TTC27: variants seen among roughly 807,000 people sequenced by gnomAD.
TTC27 encodes tetratricopeptide repeat domain 27.
Under a neutral mutation model 115.9 loss-of-function variants are expected in TTC27, and 79 were observed. The observed-to-expected ratio is 0.68, with a 90% CI of 0.57 to 0.82. TTC27 has a LOEUF of 0.82. Ranked by LOEUF, TTC27 falls within the 40% of genes least tolerant of loss-of-function variation. TTC27 has a pLI of 0.00. For synonymous variants in TTC27, 401 were observed against 356.0 expected (o/e 1.13, Z -1.42); for missense variants, 1,054 against 993.1 (o/e 1.06, Z -0.82).
intron 9 of TTC27, among the ~76,000 whole-genome samples, chr2:32,687,513 G>A (rs1666674133): frequency 6.6e-6 from 1 of 152,154 alleles, no homozygotes; most frequent in Non-Finnish European, 1.5e-5. Flanking sequence ...GTCAAAGATT[G>A]ATAATGGAAT....
intron 16 of TTC27, among the ~76,000 whole-genome samples, chr2:32,789,271 A>T (rs770897788): frequency 4.6e-5 from 7 of 152,234 alleles, no homozygotes; most frequent in Admixed American, 3.9e-4. Context: ...AAAGTGAAGC[A>T]GAAGTGGTTA....
intron 4 of TTC27, among the ~76,000 whole-genome samples, chr2:32,647,589 G>A (rs538201806): frequency 9.8e-5 from 15 of 152,334 alleles, no homozygotes; most frequent in Non-Finnish European, 8.8e-5. Context: ...TAGTTGTGGT[G>A]TATAACACTT....
chr2:32,677,243 TTC>T (rs1666242647), intron 8 of TTC27, among the ~76,000 whole-genome samples: 1 of 152,158 alleles, frequency 6.6e-6, no homozygotes, highest in African/African-American at 2.4e-5. Flanking sequence ...CAGTATAGCA[TTC>T]TGTTGGATGA....
intron 14 of TTC27, 67 bp from the exon 15 acceptor site, chr2:32,782,559 T>G: frequency 1.4e-6 from 2 of 1,429,896 alleles, no homozygotes; most frequent in Admixed American, 3.5e-5. Context: ...TGTGTTGTAC[T>G]TTTGGTTTAA....
At chr2:32,767,758 G>A (rs1483556508) in intron 13 of TTC27, among the ~76,000 whole-genome samples, 1 of 152,158 alleles carries the variant, frequency 6.6e-6, no homozygotes, top group Non-Finnish European at 1.5e-5. Context: ...ACCGCGCCCG[G>A]CCATTATAAG....
In TTC27 at chr2:32,723,728, C is replaced by CTCCCTCCGTCCTTCCT. The variant is rs1454826952; in HGVS notation, c.1234-10097_1234-10096insCTCCGTCCTTCCTTCC. Among the ~76,000 whole-genome samples the CTCCCTCCGTCCTTCCT allele has an allele frequency of 4.6e-3, 135 of 29,532 alleles. 7 individuals carry two copies. Among genetic ancestry groups the CTCCCTCCGTCCTTCCT allele is most frequent in the African/African-American group, 0.02 (119 of 5,840 alleles). The allele number at this position is 29,532 out of a possible 152,430, so 19.4% of individuals were successfully genotyped here. ...CCTCCCTCCCTCCCTCCCTCCCTCC[C>CTCCCTCCGTCCTTCCT]TCCTTCCTTCCTTCCTTCCTTCCTT... On this transcript the variant is annotated intron_variant, in intron 10 of 19. Transcript: ENST00000317907.
chr2:32,658,389 A>G (rs1665414550), intron 5 of TTC27, among the ~76,000 whole-genome samples: 1 of 152,202 alleles, frequency 6.6e-6, no homozygotes, highest in East Asian at 1.9e-4. Flanking sequence ...TGCTGGAATT[A>G]TAGGTATGAG....
intron 9 of TTC27, among the ~76,000 whole-genome samples, chr2:32,681,636 A>G (rs1666427517): frequency 6.9e-6 from 1 of 143,964 alleles, no homozygotes; most frequent in Admixed American, 7.3e-5. Flanking sequence ...AGTAAATTAT[A>G]TGAGATATTC....
intron 9 of TTC27, among the ~76,000 whole-genome samples, chr2:32,694,775 C>T (rs1371154497): frequency 6.6e-6 from 1 of 150,898 alleles, no homozygotes; most frequent in Non-Finnish European, 1.5e-5. Flanking sequence ...CAGGCTCAAG[C>T]GATCTTCCTG....
At chr2:32,645,776 G>C (rs1323482869) in intron 4 of TTC27, among the ~76,000 whole-genome samples, 1 of 151,582 alleles carries the variant, frequency 6.6e-6, no homozygotes, top group East Asian at 1.9e-4. Context: ...GAGTGCAGTG[G>C]CGTGATCTCA....
At chr2:32,717,902 G>A (rs1162605309) in intron 10 of TTC27, among the ~76,000 whole-genome samples, 3 of 152,018 alleles carry the variant, frequency 2.0e-5, no homozygotes, top group East Asian at 1.9e-4. Flanking sequence ...CGATCCCAGC[G>A]CTACCATATA....
At chr2:32,631,133 G>A (rs1404254261) in intron 2 of TTC27, among the ~76,000 whole-genome samples, 4 of 152,012 alleles carry the variant, frequency 2.6e-5, no homozygotes, top group African/African-American at 4.8e-5. Context: ...GTGAAACCCC[G>A]TCTATACAAA....
At chr2:32,781,687 C>G (rs1368481413) in intron 14 of TTC27, among the ~76,000 whole-genome samples, 1 of 152,146 alleles carries the variant, frequency 6.6e-6, no homozygotes. Flanking sequence ...CTCAAGTGAT[C>G]CTCCCATCTT....
intron 10 of TTC27, among the ~76,000 whole-genome samples, chr2:32,717,862 A>T (rs185031469): frequency 6.6e-6 from 1 of 152,228 alleles, no homozygotes; most frequent in Admixed American, 6.5e-5. Context: ...AAATTTGACC[A>T]TGGGCTCTGG....
chr2:32,793,083 A>T (rs765961779), intron 16 of TTC27, among the ~76,000 whole-genome samples: 9 of 152,196 alleles, frequency 5.9e-5, no homozygotes, highest in Non-Finnish European at 1.2e-4. Context: ...AAAGGCCATT[A>T]TATGAACTCA....
chr2:32,628,313 A>T lies in TTC27; in HGVS notation c.21A>T (p.Ala7=). 6.2e-7 allele frequency: 1 copy of T among 1,607,182 alleles called. No homozygotes were observed. The highest frequency in any genetic ancestry group is 8.5e-7 in the Non-Finnish European group (1 of 1,177,920). The part of the protein sequence containing the change: MWTPEL[A]ILRGFPTEAE... Reference sequence around the variant, plus strand: ...GGGTGATGTGGACCCCGGAGCTGGCAATTCTGAGGGGATTCCCCACTGAGG... The same window carrying T: ...GGGTGATGTGGACCCCGGAGCTGGCTATTCTGAGGGGATTCCCCACTGAGG... Residue 7 remains alanine, a synonymous_variant, in exon 1 of 20, where the codon GCA becomes GCT. Coordinates refer to ENST00000317907, the MANE Select transcript of TTC27 (RefSeq NM_017735.5).
At position 32,758,339 on chromosome 2, in the gene TTC27, T is replaced by C; in HGVS notation, c.1500T>C (p.Ser500=). ...RQELEKKETP[S]LYCLLGDVLG... ...AGCTGGAGAAAAAAGAAACGCCTAG[T>C]TTATACTGCTTGCTTGGAGATGTCC... The change falls in exon 13 of 20, where the codon AGT becomes AGC. Residue 500 remains serine, a synonymous_variant. Transcript: ENST00000317907. 6.2e-7 allele frequency: 1 copy of C among 1,614,222 alleles called. No homozygotes were observed. The highest frequency in any genetic ancestry group is 8.5e-7 in the Non-Finnish European group (1 of 1,180,046).
intron 2 of TTC27, 111 bp downstream of exon 2, chr2:32,630,811 A>G (rs1318301879): frequency 1.0e-6 from 1 of 955,294 alleles, no homozygotes. Context: ...CTTATATTTT[A>G]CTCAAGACTC....
intron 2 of TTC27, among the ~76,000 whole-genome samples, chr2:32,633,653 C>T (rs374162846): frequency 1.2e-4 from 18 of 152,138 alleles, no homozygotes; most frequent in Non-Finnish European, 2.4e-4. Context: ...ATCCTCCTAC[C>T]GTGGCCTTCC....
Sources: allele counts gnomAD v4.1 joint callset (sites outside exome capture counted in the v4.1 genomes callset), GRCh38; gene constraint gnomAD v4.1.1; transcripts MANE v1.5; gene names NCBI Gene and HGNC (gene_info 2026-07-23, HGNC 2026-07-21).